Variants in ABCG2 observed in about 807,000 individuals in gnomAD.
ABCG2 encodes ATP binding cassette subfamily G member 2 (JR blood group), also known as broad substrate specificity ATP-binding cassette transporter ABCG2.
In ABCG2, 80 loss-of-function variants were observed where a neutral mutation model predicts 73.5. That is an observed-to-expected ratio of 1.09 (90% confidence interval 0.91 to 1.31). The LOEUF is 1.31. Among genes scored for constraint, ABCG2 ranks in the 50% most tolerant of loss-of-function variants. The pLI, the probability that ABCG2 is intolerant of heterozygous loss-of-function variation, is 0.00. For missense variants in ABCG2, 796 were observed against 786.2 expected (o/e 1.01, Z -0.15); for synonymous variants, 269 against 282.4 (o/e 0.95, Z 0.48).
chr4:88,217,495 T>A (rs1008967837), intron 1 of ABCG2, among the ~76,000 whole-genome samples: 3 of 152,178 alleles, frequency 2.0e-5, no homozygotes, highest in African/African-American at 4.8e-5. Context: ...ACCCTGTCTC[T>A]ACTAAAAATT....
At chr4:88,175,635 T>C (rs1398188724) in intron 1 of ABCG2, among the ~76,000 whole-genome samples, 2 of 152,248 alleles carry the variant, frequency 1.3e-5, no homozygotes, top group Non-Finnish European at 2.9e-5. Context: ...AAACACATAA[T>C]GTATTTACTA....
chr4:88,204,835 G>A (rs897042673), intron 1 of ABCG2, among the ~76,000 whole-genome samples: 1 of 152,212 alleles, frequency 6.6e-6, no homozygotes, highest in Admixed American at 6.5e-5. Flanking sequence ...TGGAGGCAGT[G>A]GGGATTAGGA....
chr4:88,137,060 T>TAAAATAAAATAAAA (rs1271680412), intron 2 of ABCG2, among the ~76,000 whole-genome samples: 1 of 145,880 alleles, frequency 6.9e-6, no homozygotes, highest in Admixed American at 6.7e-5. Context: ...TAAAATAAAA[T>TAAAATAAAATAAAA]AAGAATGAGG....
chr4:88,121,056 A>G (rs1018294051), intron 6 of ABCG2, among the ~76,000 whole-genome samples: 7 of 152,212 alleles, frequency 4.6e-5, no homozygotes, highest in African/African-American at 1.7e-4. Flanking sequence ...CTAAGAACTT[A>G]CTGTATGCTA....
At chr4:88,200,733 C>G (rs1053959580) in intron 1 of ABCG2, among the ~76,000 whole-genome samples, 14 of 150,892 alleles carry the variant, frequency 9.3e-5, no homozygotes, top group Non-Finnish European at 2.1e-4. Flanking sequence ...AGGGTGGTCT[C>G]AATCTCCTGA....
chr4:88,218,541 C>T (rs1257344226), intron 1 of ABCG2, among the ~76,000 whole-genome samples: 3 of 152,122 alleles, frequency 2.0e-5, no homozygotes, highest in Non-Finnish European at 4.4e-5. Flanking sequence ...TTGGTGTACC[C>T]ATCACCGAAG....
chr4:88,150,105 C>G (rs1388489131), intron 1 of ABCG2, among the ~76,000 whole-genome samples: 2 of 152,030 alleles, frequency 1.3e-5, no homozygotes, highest in Non-Finnish European at 2.9e-5. Flanking sequence ...GCTTGAGGCC[C>G]GGAATTTGGA....
At chr4:88,209,511 A>C (rs1729508717) in intron 1 of ABCG2, among the ~76,000 whole-genome samples, 1 of 151,784 alleles carries the variant, frequency 6.6e-6, no homozygotes, top group Admixed American at 6.6e-5. Flanking sequence ...TAAAATACAA[A>C]AATTATCCAG....
chr4:88,133,071 C>G (rs1457200895), intron 2 of ABCG2, among the ~76,000 whole-genome samples: 1 of 152,192 alleles, frequency 6.6e-6, no homozygotes, highest in Admixed American at 6.5e-5. Context: ...ATTTAACGTT[C>G]CTTGAAATAA....
intron 1 of ABCG2, among the ~76,000 whole-genome samples, chr4:88,209,626 C>T (rs1729513163): frequency 6.6e-6 from 1 of 151,848 alleles, no homozygotes; most frequent in African/African-American, 2.4e-5. Context: ...CACTGCACTC[C>T]AGCCTGGCTG....
At position 88,210,207 on chromosome 4, in the gene ABCG2, ACACACACAC is replaced by A. The variant is rs2110122229; in HGVS notation, c.-20+20778_-20+20786del. The stretch of plus-strand genomic sequence containing the variant: ...CCTACACACACACACACACACACAC[ACACACACAC>A]ACACATATACATATATACGTTTAAG... On this transcript the variant is annotated intron_variant, in intron 1 of 15. Transcript: ENST00000515655. Among the ~76,000 whole-genome samples the A allele has an allele frequency of 2.0e-5, 3 of 152,020 alleles. No individual in the cohort carries two copies. In the South Asian group the frequency reaches 6.2e-4, roughly 32 times the overall value.
At chr4:88,096,929 T>G (rs1282455070) in intron 13 of ABCG2, among the ~76,000 whole-genome samples, 1 of 152,174 alleles carries the variant, frequency 6.6e-6, no homozygotes, top group African/African-American at 2.4e-5. Flanking sequence ...CTTATGAGGC[T>G]TAATATGTGT....
At chr4:88,207,852 T>G (rs1190985891) in intron 1 of ABCG2, among the ~76,000 whole-genome samples, 2 of 152,156 alleles carry the variant, frequency 1.3e-5, no homozygotes, top group Admixed American at 6.6e-5. Context: ...CCTCATTTTG[T>G]TTTTTTCAAT....
At position 88,208,021 on chromosome 4, in the gene ABCG2, C is replaced by G. The variant is rs565075993; in HGVS notation, c.-20+22973G>C. ...AATTCAGTTTACAAATACTGTTGCTCTATCAGTAGGTGTAGCAAATTTCAG... is the reference window on the plus strand; with the variant it reads ...AATTCAGTTTACAAATACTGTTGCTGTATCAGTAGGTGTAGCAAATTTCAG... On this transcript the variant is annotated intron_variant, in intron 1 of 15. Coordinates refer to the ABCG2 transcript ENST00000515655. 2.0e-5 allele frequency among the ~76,000 whole-genome samples: 3 copies of G among 152,304 alleles called. No individual in the cohort carries two copies. The South Asian group carries it at 6.2e-4, about 32-fold the overall frequency.
At chr4:88,151,574 T>C (rs1009709972) in intron 1 of ABCG2, among the ~76,000 whole-genome samples, 1 of 151,744 alleles carries the variant, frequency 6.6e-6, no homozygotes, top group Non-Finnish European at 1.5e-5. Context: ...CCATCTCTAC[T>C]AAAAATACAA....
At chr4:88,128,011 A>C (rs1323488951) in intron 5 of ABCG2, among the ~76,000 whole-genome samples, 1 of 152,132 alleles carries the variant, frequency 6.6e-6, no homozygotes, top group East Asian at 1.9e-4. Flanking sequence ...AATGGGAGAA[A>C]AATTTTGCAA....
At chr4:88,126,350 A>C (rs1208041194) in intron 5 of ABCG2, among the ~76,000 whole-genome samples, 1 of 152,232 alleles carries the variant, frequency 6.6e-6, no homozygotes, top group Non-Finnish European at 1.5e-5. Context: ...CCAGAGGTAC[A>C]AAGAGGAGCT....
intron 1 of ABCG2, among the ~76,000 whole-genome samples, chr4:88,155,898 T>C (rs1726905141): frequency 6.6e-6 from 1 of 150,440 alleles, no homozygotes; most frequent in Non-Finnish European, 1.5e-5. Context: ...CAAGACTCCA[T>C]CTCAAAAAAA....
At chr4:88,188,051 C>T (rs1728536342) in intron 1 of ABCG2, among the ~76,000 whole-genome samples, 1 of 152,152 alleles carries the variant, frequency 6.6e-6, no homozygotes, top group South Asian at 2.1e-4. Flanking sequence ...GCCTAAAAAG[C>T]ACTGCTAAAT....
Sources: allele counts gnomAD v4.1 joint callset (sites outside exome capture counted in the v4.1 genomes callset), GRCh38; gene constraint gnomAD v4.1.1; transcripts MANE v1.5; gene names NCBI Gene and HGNC (gene_info 2026-07-23, HGNC 2026-07-21).